METTL16: variants seen among roughly 807,000 people sequenced by gnomAD.
METTL16 encodes the protein methyltransferase 16, RNA N6-adenosine.
A neutral mutation model predicts 57.9 loss-of-function variants in METTL16; 19 were observed. That is an observed-to-expected ratio of 0.33 (90% CI 0.23 to 0.48). The LOEUF (loss-of-function observed/expected upper bound fraction) is 0.48. Among genes scored for constraint, METTL16 ranks in the 20% least tolerant of loss-of-function variants. The pLI is 0.99. For missense variants in METTL16, 434 were observed against 691.5 expected, an observed-to-expected ratio of 0.63 and a Z score of 4.18; for synonymous variants, 246 against 255.6, an observed-to-expected ratio of 0.96 and a Z score of 0.36.
chr17:2,503,500 A>G (rs903663478), intron 1 of METTL16, among the ~76,000 whole-genome samples: 1 of 152,144 alleles, frequency 6.6e-6, no homozygotes, highest in Non-Finnish European at 1.5e-5. Context: ...GTATATCCAT[A>G]CACTAAATAT....
intron 2 of METTL16, among the ~76,000 whole-genome samples, chr17:2,483,334 C>T (rs957714959): frequency 6.6e-6 from 1 of 152,082 alleles, no homozygotes; most frequent in Non-Finnish European, 1.5e-5. Context: ...ATATAAAATG[C>T]TGATGGAGGT....
chr17:2,463,911 G>A (rs2067171660), intron 6 of METTL16, among the ~76,000 whole-genome samples: 1 of 151,976 alleles, frequency 6.6e-6, no homozygotes, highest in Admixed American at 6.6e-5. Flanking sequence ...CAGATCACCT[G>A]AGGCTAGGAG....
intron 2 of METTL16, among the ~76,000 whole-genome samples, chr17:2,485,381 G>A (rs2067333912): frequency 6.6e-6 from 1 of 152,072 alleles, no homozygotes; most frequent in Non-Finnish European, 1.5e-5. Context: ...CGTAATAAAT[G>A]TACAATAAAT....
chr17:2,491,131 A>T (rs1319123969), intron 2 of METTL16, among the ~76,000 whole-genome samples: 1 of 152,194 alleles, frequency 6.6e-6, no homozygotes, highest in South Asian at 2.1e-4. Context: ...CATTCAAAAA[A>T]CCTGAACACA....
intron 4 of METTL16, among the ~76,000 whole-genome samples, chr17:2,471,504 C>T (rs909659838): frequency 1.3e-5 from 2 of 152,074 alleles, no homozygotes; most frequent in East Asian, 3.9e-4. Flanking sequence ...AAGAAGGGAT[C>T]AATGGCCAGG....
chr17:2,424,280 AT>A (rs1179362302), intron 8 of METTL16: 18 of 149,852 alleles, frequency 1.2e-4, no homozygotes, highest in African/African-American at 4.4e-4. Flanking sequence ...CGCCCGGCTA[AT>A]TTTTTGTATT....
chr17:2,469,413 C>A (rs1000564572), intron 4 of METTL16, among the ~76,000 whole-genome samples: 1 of 152,206 alleles, frequency 6.6e-6, no homozygotes, highest in South Asian at 2.1e-4. Flanking sequence ...GACATAAAAT[C>A]TCTTTAACGG....
rs575166387 is a variant in METTL16 at position 2,492,079 on chromosome 17, C to T, written c.128+10125G>A. On this transcript the variant is annotated intron_variant, in intron 2 of 9. Coordinates refer to ENST00000263092, the MANE Select transcript of METTL16 (RefSeq NM_024086.4). The stretch of plus-strand genomic sequence containing the variant: ...ACAAAAAATTAGCCGGGCGTGGTGG[C>T]GGGTGCCTGTAGTCCCAGCTACTCG... Among the ~76,000 whole-genome samples, 126 of 140,218 alleles carry T rather than the reference C, an allele frequency of 9.0e-4. 1 individual carries two copies. Among genetic ancestry groups the T allele is most frequent in the East Asian group, 2.4e-3 (11 of 4,522 alleles). The allele number at this position is 140,218 out of a possible 152,430, so 92.0% of individuals were successfully genotyped here. A position where few individuals can be genotyped will look rare whatever the true frequency, so the allele number is the denominator to read the frequency against.
rs369603634 is a variant in METTL16 at position 2,418,690 on chromosome 17, C to G, written c.*1280G>C. 1.3e-5 allele frequency: 2 copies of G among 152,536 alleles called. No homozygotes were observed. The highest frequency in any genetic ancestry group is 2.4e-5 in the African/African-American group (1 of 41,592). The allele number at this position is 152,536 out of a possible 1,614,324, so 9.4% of individuals were successfully genotyped here. On this transcript the variant is annotated 3_prime_UTR_variant, in exon 10 of 10. Transcript: ENST00000263092. ...GGCACAGCAGTTCCGCTTCCTGTGT[C>G]TCTGCCGAGGGCCTGATCTAGCTGC... is the stretch of plus-strand genomic sequence containing the variant.
intron 7 of METTL16, among the ~76,000 whole-genome samples, chr17:2,439,904 C>T (rs2066934685): frequency 6.6e-6 from 1 of 152,054 alleles, no homozygotes; most frequent in African/African-American, 2.4e-5. Context: ...AGAGTAGACA[C>T]AGGTCAGGTG....
chr17:2,448,789 T>TAAAAA (rs1288709390), intron 6 of METTL16, among the ~76,000 whole-genome samples: 3 of 47,728 alleles, frequency 6.3e-5, no homozygotes, highest in African/African-American at 5.7e-5. Flanking sequence ...AATAAAAAAA[T>TAAAAA]AAAAATAAAA....
intron 8 of METTL16, among the ~76,000 whole-genome samples, chr17:2,430,785 G>A (rs1217729859): frequency 1.3e-5 from 2 of 151,788 alleles, no homozygotes; most frequent in African/African-American, 2.4e-5. Context: ...TGTTATAAAC[G>A]TTAAGTCTTA....
At chr17:2,484,778 G>A (rs1390736286) in intron 2 of METTL16, among the ~76,000 whole-genome samples, 1 of 152,112 alleles carries the variant, frequency 6.6e-6, no homozygotes, top group African/African-American at 2.4e-5. Context: ...ACAGGTGTGA[G>A]CCACCGCGCC....
intron 6 of METTL16, among the ~76,000 whole-genome samples, chr17:2,444,396 G>A (rs958550073): frequency 2.0e-5 from 3 of 152,108 alleles, no homozygotes; most frequent in African/African-American, 7.2e-5. Flanking sequence ...GTTGCAGTGA[G>A]CAGAGATCAC....
chr17:2,464,278 C>A lies in METTL16; in HGVS notation c.658G>T (p.Ala220Ser), dbSNP rs780621786. 1.2e-6 allele frequency: 2 copies of A among 1,614,028 alleles called. No homozygotes were observed. Among genetic ancestry groups the A allele is most frequent in the Non-Finnish European group, 1.7e-6 (2 of 1,179,980 alleles). Residue 220 changes from alanine to serine, a missense_variant, in exon 6 of 10, where the codon GCA (alanine) becomes TCA (serine). Transcript: ENST00000263092. ...ACAAACTCTAATTCACCTCCTTCTG[C>A]CATGATCTCTGTGATGCCTCCTGTA... Reference protein sequence around the residue: ...VNTGGITEIMAEGGELEFVKR... With the variant: ...VNTGGITEIMSEGGELEFVKR...
chr17:2,491,506 T>A (rs895300514), intron 2 of METTL16, among the ~76,000 whole-genome samples: 1 of 152,154 alleles, frequency 6.6e-6, no homozygotes, highest in Non-Finnish European at 1.5e-5. Flanking sequence ...AGTCTTTAGA[T>A]GGTCACTGAG....
chr17:2,464,371 C>T (rs2067174704), intron 5 of METTL16, 21 bp from the exon 6 acceptor site: 1 of 1,581,106 alleles, frequency 6.3e-7, no homozygotes, highest in African/African-American at 1.4e-5. Context: ...ACAAAAAACC[C>T]TGGTGAAAAA....
At chr17:2,428,365 T>C (rs553260598) in intron 8 of METTL16, among the ~76,000 whole-genome samples, 4 of 151,096 alleles carry the variant, frequency 2.6e-5, no homozygotes, top group East Asian at 1.9e-4. Context: ...ACGAGCCAAG[T>C]TGAATAAATT....
chr17:2,461,826 G>C (rs148542947), intron 6 of METTL16, among the ~76,000 whole-genome samples: 2 of 152,052 alleles, frequency 1.3e-5, no homozygotes, highest in Non-Finnish European at 2.9e-5. Context: ...TGATCCACCC[G>C]CTTTGGTCTC....
Sources: gnomAD v4.1 joint callset for allele counts (sites outside exome capture counted in the v4.1 genomes callset) on GRCh38, gnomAD v4.1.1 for gene constraint, MANE v1.5 for transcripts, NCBI Gene and HGNC (gene_info 2026-07-23, HGNC 2026-07-21) for gene names.